Variants in SNX29 observed in about 807,000 individuals in gnomAD.
SNX29 encodes sorting nexin 29.
A neutral mutation model predicts 102.1 loss-of-function variants in SNX29; 78 were observed. The ratio of observed to expected loss-of-function variants is 0.76; its 90% CI spans 0.64 to 0.92. The LOEUF is 0.92. SNX29 is among the 40% of genes least tolerant of loss of function. The pLI, the probability that SNX29 is intolerant of heterozygous loss-of-function variation, is 0.00. For missense variants in SNX29, 1,280 were observed against 1,061.7 expected (o/e 1.21, Z -2.86); for synonymous variants, 580 against 414.5 (o/e 1.40, Z -4.85).
At chr16:12,462,017 A>G (rs1250452129) in intron 18 of SNX29, among the ~76,000 whole-genome samples, 4 of 27,410 alleles carry the variant, frequency 1.5e-4, no homozygotes, top group Admixed American at 4.3e-4. Flanking sequence ...ATATATGTAT[A>G]CACACACACA....
chr16:12,195,822 C>A (rs1341486877), intron 13 of SNX29, among the ~76,000 whole-genome samples: 1 of 152,074 alleles, frequency 6.6e-6, no homozygotes, highest in Non-Finnish European at 1.5e-5. Flanking sequence ...ACAGTAAAAC[C>A]AACCTCGTGA....
At chr16:12,454,699 AATTT>A (rs979529402) in intron 18 of SNX29, among the ~76,000 whole-genome samples, 1 of 151,910 alleles carries the variant, frequency 6.6e-6, no homozygotes. Context: ...TGGAGGAATG[AATTT>A]ATTTATTTAT....
intron 16 of SNX29, among the ~76,000 whole-genome samples, chr16:12,382,395 C>G (rs2083199311): frequency 6.6e-6 from 1 of 152,178 alleles, no homozygotes; most frequent in Non-Finnish European, 1.5e-5. Flanking sequence ...GCCCACACTG[C>G]CTGCTTCCAG....
chr16:11,990,411 C>T (rs769990649), intron 1 of SNX29, among the ~76,000 whole-genome samples: 1 of 152,148 alleles, frequency 6.6e-6, no homozygotes, highest in Admixed American at 6.6e-5. Context: ...CAGCCCAACC[C>T]GCTCATTTCC....
intron 3 of SNX29, among the ~76,000 whole-genome samples, chr16:12,019,232 G>A (rs2056942032): frequency 6.6e-6 from 1 of 152,048 alleles, no homozygotes; most frequent in African/African-American, 2.4e-5. Flanking sequence ...TTTTGCGATG[G>A]AGTCTCGCTC....
intron 20 of SNX29, among the ~76,000 whole-genome samples, chr16:12,543,540 G>A (rs925028318): frequency 2.6e-5 from 4 of 152,174 alleles, no homozygotes; most frequent in African/African-American, 7.2e-5. Flanking sequence ...CTTTGGCCCA[G>A]ACTTCCACGC....
At position 12,334,921 on chromosome 16, in the gene SNX29, T is replaced by TTTA. The variant is rs56233203; in HGVS notation, c.1783-21242_1783-21241insTTA. Among the ~76,000 whole-genome samples the TTTA allele has an allele frequency of 7.4e-5, 11 of 149,216 alleles. No individual in the cohort carries two copies. In the East Asian group the frequency reaches 8.0e-4, roughly 11 times the overall value. On this transcript the variant is annotated intron_variant, in intron 15 of 20. Coordinates refer to ENST00000566228, the MANE Select transcript of SNX29 (RefSeq NM_032167.5). Reference sequence around the variant, plus strand: ...AGAGCCTTTTTTTTTTTTTTTTTTTTAAAAAGCAACAGTCTTTCAAATTTG... The same window carrying TTTA: ...AGAGCCTTTTTTTTTTTTTTTTTTTTTTAAAAAAGCAACAGTCTTTCAAATTTG...
intron 16 of SNX29, among the ~76,000 whole-genome samples, chr16:12,364,416 C>CTTCTTTTTTTTTTTTTTTTT (rs1555520124): frequency 9.1e-5 from 9 of 98,784 alleles, no homozygotes; most frequent in African/African-American, 2.7e-4. Flanking sequence ...CTCTCTTCTT[C>CTTCTTTTTTTTTTTTTTTTT]TTTTTTTTTT....
intron 20 of SNX29, among the ~76,000 whole-genome samples, chr16:12,544,490 G>C (rs973414251): frequency 1.3e-5 from 2 of 150,716 alleles, no homozygotes; most frequent in Non-Finnish European, 2.9e-5. Flanking sequence ...ATTGGGGTCG[G>C]CTGGGGTCTA....
In SNX29 at chr16:11,982,435, T is replaced by G. The variant is rs575663388; in HGVS notation, c.7+5622T>G. Among the ~76,000 whole-genome samples, 531 of 150,006 alleles carry G rather than the reference T, an allele frequency of 3.5e-3. 5 individuals are homozygous for G. The highest frequency in any genetic ancestry group is 5.6e-3 in the Non-Finnish European group (378 of 67,494). ...CTCCTTTCCATCAGTTTTTTTTTTT[T>G]TTTTTTTGTTTTGAGATGGAGTCTT... On this transcript the variant is annotated intron_variant, in intron 1 of 20. Transcript: ENST00000566228.
chr16:12,506,198 T>C (rs2089370436), intron 19 of SNX29, among the ~76,000 whole-genome samples: 1 of 152,146 alleles, frequency 6.6e-6, no homozygotes, highest in African/African-American at 2.4e-5. Context: ...TGACCTCAGG[T>C]GATGCGCCTG....
chr16:12,103,937 T>C (rs1555460732), intron 11 of SNX29, among the ~76,000 whole-genome samples: 1 of 152,212 alleles, frequency 6.6e-6, no homozygotes, highest in Non-Finnish European at 1.5e-5. Flanking sequence ...TATTCTTCAT[T>C]CCTAGAGTCC....
rs148504104 is a variant in SNX29, at chr16:12,021,005, T to A, written c.123-6315T>A. Among the ~76,000 whole-genome samples the A allele has an allele frequency of 3.7e-4, 56 of 152,342 alleles. 1 individual carries two copies. The East Asian group carries it at 7.3e-3, about 20-fold the overall frequency. ...CTGAGATATGGCTCATACTGTTGAT[T>A]GACTGATTTTCACTGGTACAGCAGA... is the stretch of plus-strand genomic sequence containing the variant. On this transcript the variant is annotated intron_variant, in intron 3 of 20. Transcript: ENST00000566228.
intron 20 of SNX29, chr16:12,557,719 T>C (rs1206183645): frequency 6.6e-6 from 1 of 152,150 alleles, no homozygotes; most frequent in African/African-American, 2.4e-5. Context: ...CAGCATCACC[T>C]CAGATGCAGG....
intron 15 of SNX29, among the ~76,000 whole-genome samples, chr16:12,327,385 A>G (rs2081150415): frequency 6.6e-6 from 1 of 152,068 alleles, no homozygotes; most frequent in South Asian, 2.1e-4. Context: ...ACAGAAATGT[A>G]TCTTCTCACC....
chr16:12,009,425 G>A (rs2056570481), intron 3 of SNX29, among the ~76,000 whole-genome samples: 2 of 150,708 alleles, frequency 1.3e-5, no homozygotes, highest in East Asian at 3.9e-4. Flanking sequence ...ATGTATACAT[G>A]TATATATATA....
At chr16:12,009,237 G>A (rs1354381657) in intron 3 of SNX29, among the ~76,000 whole-genome samples, 1 of 152,178 alleles carries the variant, frequency 6.6e-6, no homozygotes, top group East Asian at 1.9e-4. Context: ...AGCTGCCAAG[G>A]TGTTGGTGGA....
intron 20 of SNX29, among the ~76,000 whole-genome samples, chr16:12,555,710 C>T (rs1248074142): frequency 6.6e-6 from 1 of 152,080 alleles, no homozygotes; most frequent in Non-Finnish European, 1.5e-5. Flanking sequence ...CGAGATTCTC[C>T]CTGATTGGCC....
At chr16:12,425,693 T>C (rs2085047037) in intron 18 of SNX29, among the ~76,000 whole-genome samples, 1 of 152,060 alleles carries the variant, frequency 6.6e-6, no homozygotes. Flanking sequence ...TCTACTCAAA[T>C]AGAGTGTGTC....
Sources: allele counts gnomAD v4.1 joint callset (sites outside exome capture counted in the v4.1 genomes callset), GRCh38; gene constraint gnomAD v4.1.1; transcripts MANE v1.5; gene names NCBI Gene and HGNC (gene_info 2026-07-23, HGNC 2026-07-21).